Variants in MBD2 observed in about 807,000 individuals in gnomAD.
MBD2 encodes methyl-CpG binding domain protein 2.
MBD2 carries 9 observed loss-of-function variants against 39.3 expected under a neutral mutation model. The observed-to-expected ratio is 0.23, with a 90% CI of 0.14 to 0.40. The LOEUF (loss-of-function observed/expected upper bound fraction) is 0.40. MBD2 is among the 10% of genes least tolerant of loss of function. MBD2 has a pLI of 1.00. For missense variants in MBD2, 458 were observed against 532.6 expected (o/e 0.86, Z 1.38); for synonymous variants, 233 against 211.1 (o/e 1.10, Z -0.90).
intron 2 of MBD2, among the ~76,000 whole-genome samples, chr18:54,191,156 G>A (rs2086317597): frequency 1.3e-5 from 2 of 152,158 alleles, no homozygotes; most frequent in Non-Finnish European, 1.5e-5. Flanking sequence ...TCTCAAGCCT[G>A]AGCATGCATC....
Position 54,159,828 on chromosome 18 carries a change from A to G in MBD2, c.1185T>C (p.Ala395=). 2.0e-5 allele frequency: 32 copies of G among 1,612,720 alleles called. No homozygotes were observed. The highest frequency in any genetic ancestry group is 2.6e-5 in the Non-Finnish European group (31 of 1,179,990). Reference sequence around the variant, plus strand: ...CAATATCCATCTCTTCTGTATCAGCAGCTCGCGACAAGATGTCTGCCATCA... The same window carrying G: ...CAATATCCATCTCTTCTGTATCAGCGGCTCGCGACAAGATGTCTGCCATCA... ...EALMADILSR[A]ADTEEMDIEM... Residue 395 remains alanine (A), a synonymous_variant, in exon 6 of 7, where the codon GCT becomes GCC. Transcript: ENST00000256429.
At chr18:54,194,044 T>C (rs1176369971) in intron 2 of MBD2, among the ~76,000 whole-genome samples, 2 of 152,096 alleles carry the variant, frequency 1.3e-5, no homozygotes, top group African/African-American at 2.4e-5. Flanking sequence ...AGAGAATAAC[T>C]AAAGAGGCAG....
intron 3 of MBD2, among the ~76,000 whole-genome samples, chr18:54,172,826 T>C (rs1462156538): frequency 6.6e-6 from 1 of 152,174 alleles, no homozygotes; most frequent in Non-Finnish European, 1.5e-5. Flanking sequence ...ACAATTGACC[T>C]CTCTAAATAT....
chr18:54,208,002 C>T lies in MBD2; in HGVS notation c.543-2845G>A, dbSNP rs1383654706. Among the ~76,000 whole-genome samples, 6 of 152,058 alleles carry T rather than the reference C, an allele frequency of 3.9e-5. No individual in the cohort carries two copies. In the South Asian group the frequency reaches 6.2e-4, roughly 16 times the overall value. On this transcript the variant is annotated intron_variant, in intron 1 of 6. Transcript: ENST00000256429. ...GCAGTGAGCTGAGATCGCACCACTG[C>T]ACTCCAGCCTGGGCGACAGATCGAG...
intron 1 of MBD2, among the ~76,000 whole-genome samples, chr18:54,210,366 A>C (rs2086492593): frequency 6.6e-6 from 1 of 152,202 alleles, no homozygotes; most frequent in East Asian, 1.9e-4. Flanking sequence ...TGGTACTCAT[A>C]TTTTGTCGCA....
At chr18:54,212,078 T>C (rs572923487) in intron 1 of MBD2, among the ~76,000 whole-genome samples, 3 of 152,224 alleles carry the variant, frequency 2.0e-5, no homozygotes, top group South Asian at 4.1e-4. Flanking sequence ...TATGGCCTCC[T>C]CTTAACCTTT....
At chr18:54,205,957 TACACAC>T (rs10558467) in intron 1 of MBD2, among the ~76,000 whole-genome samples, 2,653 of 145,946 alleles carry the variant, frequency 0.018, 81 homozygotes, top group African/African-American at 0.063. Flanking sequence ...AACACACACA[TACACAC>T]ACACACACAC....
In MBD2 at chr18:54,216,376, T is replaced by G. The variant is rs571800224; in HGVS notation, c.542+7642A>C. On this transcript the variant is annotated intron_variant, in intron 1 of 6. Coordinates refer to ENST00000256429, the MANE Select transcript of MBD2 (RefSeq NM_003927.5). Reference sequence around the variant, plus strand: ...TACAGCCAGATTAACCATAACTTTTTGGATTAATAGAGAAATGTATTTACT... The same window carrying G: ...TACAGCCAGATTAACCATAACTTTTGGGATTAATAGAGAAATGTATTTACT... Among the ~76,000 whole-genome samples, 3 of 152,354 alleles carry G rather than the reference T, an allele frequency of 2.0e-5. No individual in the cohort carries two copies. The South Asian group carries it at 6.2e-4, about 32-fold the overall frequency.
In MBD2 at chr18:54,205,115, C is replaced by G; in HGVS notation, c.585G>C (p.Arg195Ser). 1 of 1,613,964 alleles carries G rather than the reference C, an allele frequency of 6.2e-7. No individual in the cohort carries two copies. Among genetic ancestry groups the G allele is most frequent in the Non-Finnish European group, 8.5e-7 (1 of 1,179,968 alleles). The change falls in exon 2 of 7, where the codon AGG becomes AGC. Residue 195 changes from arginine to serine, a missense_variant. By Grantham distance (110) the Arg-to-Ser change is moderately radical. Coordinates refer to ENST00000256429, the MANE Select transcript of MBD2 (RefSeq NM_003927.5). The part of the protein sequence containing the change: ...KKFRSKPQLA[R>S]YLGNTVDLSS... ...TGAGATCAACAGTATTTCCCAGGTA[C>G]CTTGCCAACTGAGGCTTGCTTCTGA...
At chr18:54,214,146 C>T (rs2086534884) in intron 1 of MBD2, among the ~76,000 whole-genome samples, 1 of 151,044 alleles carries the variant, frequency 6.6e-6, no homozygotes, top group South Asian at 2.1e-4. Context: ...CTTTTATAAC[C>T]CATACATACT....
chr18:54,201,298 C>G (rs2086405744), intron 2 of MBD2, among the ~76,000 whole-genome samples: 1 of 152,054 alleles, frequency 6.6e-6, no homozygotes, highest in Admixed American at 6.6e-5. Flanking sequence ...TTTCCATTAA[C>G]CTAATGGAAT....
chr18:54,205,499 G>A (rs183844789), intron 1 of MBD2, among the ~76,000 whole-genome samples: 1 of 151,694 alleles, frequency 6.6e-6, no homozygotes, highest in East Asian at 1.9e-4. Context: ...GCTGAGGCAG[G>A]AGAATCGCTT....
intron 3 of MBD2, among the ~76,000 whole-genome samples, chr18:54,168,598 T>TATATATATATATATATATATAC (rs1491141841): frequency 3.7e-5 from 5 of 136,022 alleles, no homozygotes; most frequent in African/African-American, 1.5e-4. Flanking sequence ...TATATATATA[T>TATATATATATATATATATATAC]TTATGTATGC....
At chr18:54,221,421 G>T (rs2086611266) in intron 1 of MBD2, among the ~76,000 whole-genome samples, 1 of 147,830 alleles carries the variant, frequency 6.8e-6, no homozygotes, top group African/African-American at 2.5e-5. Context: ...TCACACCACT[G>T]CACTCCAGCC....
Position 54,204,179 on chromosome 18 carries a change from T to A in MBD2, c.702+819A>T, listed in dbSNP as rs144860531. ...AGAGAGCCCCTACTTCTCCCTCCAC[T>A]ATGTTCACTGTCAGTGTGAAGACAA... On this transcript the variant is annotated intron_variant, in intron 2 of 6. Coordinates refer to ENST00000256429, the MANE Select transcript of MBD2 (RefSeq NM_003927.5). Among the ~76,000 whole-genome samples, 16 of 152,290 alleles carry A rather than the reference T, an allele frequency of 1.1e-4. 1 individual carries two copies. The highest frequency in any genetic ancestry group is 3.9e-4 in the African/African-American group (16 of 41,548).
intron 1 of MBD2, among the ~76,000 whole-genome samples, chr18:54,215,047 G>A (rs1406614177): frequency 6.6e-6 from 1 of 151,902 alleles, no homozygotes; most frequent in African/African-American, 2.4e-5. Context: ...GCCTCCACAA[G>A]GTAGAATTCT....
At chr18:54,207,197 C>T (rs1315124163) in intron 1 of MBD2, among the ~76,000 whole-genome samples, 1 of 152,196 alleles carries the variant, frequency 6.6e-6, no homozygotes, top group Non-Finnish European at 1.5e-5. Flanking sequence ...AGCCTACATT[C>T]CAAACTCTAA....
At chr18:54,221,900 C>G (rs1599116396) in intron 1 of MBD2, among the ~76,000 whole-genome samples, 1 of 152,190 alleles carries the variant, frequency 6.6e-6, no homozygotes, top group East Asian at 1.9e-4. Flanking sequence ...CAAGGAAAAC[C>G]AACAAACAAA....
At chr18:54,192,326 G>A (rs1220688331) in intron 2 of MBD2, among the ~76,000 whole-genome samples, 2 of 152,124 alleles carry the variant, frequency 1.3e-5, no homozygotes, top group Non-Finnish European at 2.9e-5. Flanking sequence ...TCTGCCTCGT[G>A]GGTTCAAGCA....
Sources: gnomAD v4.1 joint callset for allele counts (sites outside exome capture counted in the v4.1 genomes callset) on GRCh38, gnomAD v4.1.1 for gene constraint, MANE v1.5 for transcripts, NCBI Gene and HGNC (gene_info 2026-07-23, HGNC 2026-07-21) for gene names.